The following CYTH3 variants were observed in gnomAD, a reference collection of about 807,000 sequenced individuals.
The protein encoded by CYTH3 is cytohesin-3.
CYTH3 carries 23 observed loss-of-function variants against 55.1 expected under a neutral mutation model. That is an observed-to-expected ratio of 0.42 (90% CI 0.30 to 0.59). CYTH3 has a LOEUF of 0.59. CYTH3 is among the 20% of genes least tolerant of loss of function. The pLI, the probability that CYTH3 is intolerant of heterozygous loss-of-function variation, is 0.20. For synonymous variants in CYTH3, 249 were observed against 194.9 expected (o/e 1.28, Z -2.31); for missense variants, 413 against 524.8 (o/e 0.79, Z 2.08).
chr7:6,260,093 T>A (rs1390170750), intron 1 of CYTH3, among the ~76,000 whole-genome samples: 1 of 151,334 alleles, frequency 6.6e-6, no homozygotes, highest in Non-Finnish European at 1.5e-5. Flanking sequence ...CCTCCCAAAG[T>A]GCTGGGATTA....
chr7:6,235,639 T>C (rs1583185066), intron 1 of CYTH3, among the ~76,000 whole-genome samples: 1 of 151,780 alleles, frequency 6.6e-6, no homozygotes, highest in Non-Finnish European at 1.5e-5. Context: ...TACACGGGAG[T>C]CGTTAGATAC....
rs1460410304 is a variant in CYTH3, at chr7:6,259,807, AT to A, written c.34+12666del. Among the ~76,000 whole-genome samples, 31 of 26,180 alleles carry A rather than the reference AT, an allele frequency of 1.2e-3. 1 individual carries two copies. The highest frequency in any genetic ancestry group is 4.6e-3 in the African/African-American group (11 of 2,408). The allele number at this position is 26,180 out of a possible 152,430, so 17.2% of individuals were successfully genotyped here. A position where few individuals can be genotyped will look rare whatever the true frequency, so the allele number is the denominator to read the frequency against. ...ATAATATATATATATATATATATAT[AT>A]ATATAATATATATATATATATATAT... On this transcript the variant is annotated intron_variant, in intron 1 of 12. Transcript: ENST00000350796.
At chr7:6,253,728 A>C (rs1330377056) in intron 1 of CYTH3, among the ~76,000 whole-genome samples, 3 of 152,138 alleles carry the variant, frequency 2.0e-5, no homozygotes, top group Non-Finnish European at 4.4e-5. Context: ...AGGCAGGAGA[A>C]TCACTTGAAC....
chr7:6,171,375 G>T lies in CYTH3; in HGVS notation c.450-61C>A. The T allele has an allele frequency of 6.5e-7, 1 of 1,534,260 alleles. No individual in the cohort carries two copies. The highest frequency in any genetic ancestry group is 2.3e-5 in the East Asian group (1 of 44,334). On this transcript the variant is annotated intron_variant, in intron 6 of 12. Transcript: ENST00000350796. The surrounding 1 kb of genome is among the most constrained non-coding windows in gnomAD (Gnocchi z 6.7). ...GAACCAACACCGCCTCACGGCCAAG[G>T]GCGGCTTCTGCCCAGCTCAGGAAGG...
At chr7:6,272,451 C>A in intron 1 of CYTH3, 23 bp downstream of exon 1, 1 of 1,347,610 alleles carries the variant, frequency 7.4e-7, no homozygotes, top group South Asian at 1.6e-5. Context: ...CGCCGGCGAG[C>A]CCACCACACC....
chr7:6,220,186 C>G (rs895696286), intron 1 of CYTH3, among the ~76,000 whole-genome samples: 1 of 152,116 alleles, frequency 6.6e-6, no homozygotes, highest in Non-Finnish European at 1.5e-5. Flanking sequence ...GGTGAGCCAC[C>G]GCGCCTGGCC....
Position 6,259,761 on chromosome 7 carries a change from ATATATATATAT to A in CYTH3, c.34+12702_34+12712del, listed in dbSNP as rs1287352389. ...TATATATAATATATATATATATTAT[ATATATATATAT>A]TATATATATATAATATATATATATA... is the stretch of plus-strand genomic sequence containing the variant. On this transcript the variant is annotated intron_variant, in intron 1 of 12. Coordinates refer to ENST00000350796, the MANE Select transcript of CYTH3 (RefSeq NM_004227.4). Among the ~76,000 whole-genome samples, 36 of 25,300 alleles carry A rather than the reference ATATATATATAT, an allele frequency of 1.4e-3. 3 individuals carry two copies. The South Asian group carries it at 0.025, about 17-fold the overall frequency. The allele number at this position is 25,300 out of a possible 152,430, so 16.6% of individuals were successfully genotyped here.
At position 6,260,642 on chromosome 7, in the gene CYTH3, G is replaced by C. The variant is rs763743372; in HGVS notation, c.34+11832C>G. Among the ~76,000 whole-genome samples the C allele has an allele frequency of 6.6e-5, 10 of 152,148 alleles. No individual in the cohort carries two copies. The South Asian group carries it at 1.0e-3, about 16-fold the overall frequency. On this transcript the variant is annotated intron_variant, in intron 1 of 12. Transcript: ENST00000350796. ...CATGTCCCCATCCCCATTTTAGGCC[G>C]TCTCTAAGTGCATTCAACACAGCTG...
intron 1 of CYTH3, among the ~76,000 whole-genome samples, chr7:6,221,605 G>A (rs1228653178): frequency 6.6e-6 from 1 of 152,166 alleles, no homozygotes; most frequent in African/African-American, 2.4e-5. Flanking sequence ...TACATAAGAT[G>A]TAACCAGTGT....
chr7:6,190,317 C>CTTT, intron 2 of CYTH3, 132 bp downstream of exon 2: 1 of 641,328 alleles, frequency 1.6e-6, no homozygotes, highest in Non-Finnish European at 2.3e-6. Context: ...CACTAAACAT[C>CTTT]TTTTTTTTTT....
chr7:6,245,065 C>T (rs1376579196), intron 1 of CYTH3, among the ~76,000 whole-genome samples: 3 of 148,154 alleles, frequency 2.0e-5, no homozygotes, highest in Non-Finnish European at 4.5e-5. Context: ...ATGATCCACC[C>T]GCCCCGGCCT....
intron 1 of CYTH3, among the ~76,000 whole-genome samples, chr7:6,215,182 C>T (rs184319278): frequency 1.2e-4 from 18 of 152,312 alleles, no homozygotes; most frequent in African/African-American, 4.3e-4. Flanking sequence ...AGCTGAGTAA[C>T]ACCAGAAAGT....
At position 6,173,997 on chromosome 7, in the gene CYTH3, G is replaced by A. The variant is rs367610326; in HGVS notation, c.369-264C>T. ...ATTACAGGCATGAGCCCCCACACCT[G>A]GCCACATTTTTATTTCTATTGAGTA... is the stretch of plus-strand genomic sequence containing the variant. On this transcript the variant is annotated intron_variant, in intron 5 of 12. Transcript: ENST00000350796. 3.4e-3 allele frequency among the ~76,000 whole-genome samples: 519 copies of A among 151,922 alleles called. 2 individuals carry two copies. The highest frequency in any genetic ancestry group is 0.012 in the African/African-American group (500 of 41,428).
chr7:6,220,770 T>G (rs1784533064), intron 1 of CYTH3, among the ~76,000 whole-genome samples: 1 of 151,902 alleles, frequency 6.6e-6, no homozygotes. Context: ...CCGAGGCAGG[T>G]GGAATGCCTG....
At chr7:6,242,003 T>TCATGCTTGCATGAATGGTAA (rs1362825829) in intron 1 of CYTH3, among the ~76,000 whole-genome samples, 10 of 152,184 alleles carry the variant, frequency 6.6e-5, no homozygotes, top group Non-Finnish European at 1.5e-4. Context: ...ATAGTCTCAT[T>TCATGCTTGCATGAATGGTAA]CATGCTTGCA....
intron 1 of CYTH3, among the ~76,000 whole-genome samples, chr7:6,266,821 CT>C (rs1355847100): frequency 6.6e-6 from 1 of 152,198 alleles, no homozygotes; most frequent in Non-Finnish European, 1.5e-5. Context: ...CTGTTTACCT[CT>C]TTTGTCTGTC....
intron 1 of CYTH3, among the ~76,000 whole-genome samples, chr7:6,260,392 G>C (rs867908543): frequency 6.6e-6 from 1 of 152,146 alleles, no homozygotes; most frequent in Non-Finnish European, 1.5e-5. Context: ...TCCTTGAGAA[G>C]TATTTCACTG....
chr7:6,233,700 C>T (rs1779444157), intron 1 of CYTH3, among the ~76,000 whole-genome samples: 2 of 151,948 alleles, frequency 1.3e-5, no homozygotes, highest in African/African-American at 2.4e-5. Context: ...CTCTTCATCT[C>T]AGTCCCAGCG....
At chr7:6,189,537 G>A (rs958104250) in intron 2 of CYTH3, among the ~76,000 whole-genome samples, 2 of 151,866 alleles carry the variant, frequency 1.3e-5, no homozygotes, top group Non-Finnish European at 2.9e-5. Context: ...TTGAACTCCT[G>A]GGCTCAAGAG....
Sources: allele counts gnomAD v4.1 joint callset (sites outside exome capture counted in the v4.1 genomes callset), GRCh38; gene constraint gnomAD v4.1.1; non-coding constraint Gnocchi (gnomAD v3.1); transcripts MANE v1.5; gene names NCBI Gene and HGNC (gene_info 2026-07-23, HGNC 2026-07-21).